MLXIP: variants seen among roughly 807,000 people sequenced by gnomAD.
MLXIP encodes the protein MLX-interacting protein.
Under a neutral mutation model 87.2 loss-of-function variants are expected in MLXIP, and 30 were observed. That is an observed-to-expected ratio of 0.34 (90% CI 0.26 to 0.47). The LOEUF (loss-of-function observed/expected upper bound fraction) is 0.47. MLXIP is among the 20% of genes least tolerant of loss of function. MLXIP has a pLI of 1.00. For synonymous variants in MLXIP, 530 were observed against 514.0 expected (o/e 1.03, Z -0.42); for missense variants, 1,002 against 1,240.1 (o/e 0.81, Z 2.88).
In MLXIP at chr12:122,141,904, C is replaced by A. The variant is rs1953212917; in HGVS notation, c.*92C>A. The A allele has an allele frequency of 2.6e-6, 4 of 1,547,088 alleles. No individual in the cohort carries two copies. The African/African-American group carries it at 4.1e-5, about 16-fold the overall frequency. ...GCGCCCCCCAGCCCTTCCTGACGCT[C>A]AGCCTCGGGGCCTCTCTCCAACTCT... On this transcript the variant is annotated 3_prime_UTR_variant, in exon 17 of 17. Transcript: ENST00000319080.
At chr12:122,118,595 C>T (rs1164690877) in intron 1 of MLXIP, among the ~76,000 whole-genome samples, 2 of 152,206 alleles carry the variant, frequency 1.3e-5, no homozygotes, top group South Asian at 2.1e-4. Context: ...CGCCTATAAT[C>T]CCAGCACTTT....
intron 1 of MLXIP, among the ~76,000 whole-genome samples, chr12:122,125,593 G>T (rs2135966375): frequency 6.6e-6 from 1 of 152,370 alleles, no homozygotes; most frequent in African/African-American, 2.4e-5. Flanking sequence ...GTGGCTGTCT[G>T]ATTCCGTAGC....
At chr12:122,085,485 C>A (rs538163724) in intron 1 of MLXIP, among the ~76,000 whole-genome samples, 1 of 151,748 alleles carries the variant, frequency 6.6e-6, no homozygotes, top group African/African-American at 2.4e-5. Context: ...CTCACTGCAA[C>A]CTCCGCCTCC....
At chr12:122,119,167 CAAAA>C (rs367828097) in intron 1 of MLXIP, among the ~76,000 whole-genome samples, 4 of 148,380 alleles carry the variant, frequency 2.7e-5, no homozygotes, top group African/African-American at 1.0e-4. Flanking sequence ...GACTCTGTCT[CAAAA>C]AAACAAACAA....
chr12:122,084,476 C>T (rs964727608), intron 1 of MLXIP, among the ~76,000 whole-genome samples: 16 of 151,950 alleles, frequency 1.1e-4, no homozygotes, highest in African/African-American at 3.6e-4. Context: ...GGTTATTTTC[C>T]GGGTGGAAGA....
In MLXIP at chr12:122,135,188, C is replaced by T. The variant is rs770534299; in HGVS notation, c.1733-36C>T. 3 of 1,608,120 alleles carry T rather than the reference C, an allele frequency of 1.9e-6. No individual in the cohort carries two copies. In the East Asian group the frequency reaches 6.7e-5, roughly 36 times the overall value. On this transcript the variant is annotated intron_variant, in intron 9 of 16. Transcript: ENST00000319080. This position sits in a 1 kb window ranked among gnomAD's most constrained non-coding sequence, Gnocchi z 5.3. Reference sequence around the variant, plus strand: ...GCAGGGTGGGCCAGGCCCTGTGGCCCAGGGCTGCACCTGAACATCCTCCTT... The same window carrying T: ...GCAGGGTGGGCCAGGCCCTGTGGCCTAGGGCTGCACCTGAACATCCTCCTT...
chr12:122,119,679 C>G (rs1952749207), intron 1 of MLXIP, among the ~76,000 whole-genome samples: 1 of 152,244 alleles, frequency 6.6e-6, no homozygotes, highest in East Asian at 1.9e-4. Context: ...GCGTGAGCCA[C>G]CGCGCCTGGC....
At position 122,100,605 on chromosome 12, in the gene MLXIP, C is replaced by T. The variant is rs144089366; in HGVS notation, c.413+21339C>T. Among the ~76,000 whole-genome samples the T allele has an allele frequency of 2.0e-4, 30 of 152,324 alleles. 1 individual carries two copies. Among genetic ancestry groups the T allele is most frequent in the African/African-American group, 7.2e-4 (30 of 41,584 alleles). ...TCTGTTCAACAGTCCCAGACTTTCT[C>T]ATGAGTTAGGTTTTCAACTTGAATG... On this transcript the variant is annotated intron_variant, in intron 1 of 16. Coordinates refer to ENST00000319080, the MANE Select transcript of MLXIP (RefSeq NM_014938.6).
In MLXIP at chr12:122,137,413, C is replaced by T. The variant is rs1953112287; in HGVS notation, c.2033-56C>T. ...ACCCTGCAGAGACCCCAGGCTGCCT[C>T]CTGGTGGCGTTGAGGGGCCAGGCCT... On this transcript the variant is annotated intron_variant, in intron 11 of 16. Coordinates refer to ENST00000319080, the MANE Select transcript of MLXIP (RefSeq NM_014938.6). This position sits in a 1 kb window ranked among gnomAD's most constrained non-coding sequence, Gnocchi z 4.1. The T allele has an allele frequency of 1.9e-6, 3 of 1,576,298 alleles. No individual in the cohort carries two copies. The highest frequency in any genetic ancestry group is 2.6e-6 in the Non-Finnish European group (3 of 1,161,618).
chr12:122,122,390 GTC>G, intron 1 of MLXIP, among the ~76,000 whole-genome samples: 1 of 151,978 alleles, frequency 6.6e-6, no homozygotes, highest in Non-Finnish European at 1.5e-5. Flanking sequence ...TTTAGACAGG[GTC>G]TCTCTCTGTC....
intron 7 of MLXIP, among the ~76,000 whole-genome samples, chr12:122,131,835 C>A (rs1484353441): frequency 2.0e-5 from 3 of 150,722 alleles, no homozygotes; most frequent in Non-Finnish European, 4.4e-5. Context: ...TGGACTTAAG[C>A]GATCCTTCCG....
In MLXIP at chr12:122,137,287, A is replaced by AT; in HGVS notation, c.2033-179dup. ...AAGGGTGTTTTTGTTGTTGTTATTA[A>AT]TTTAAGATTTTCAGGGAGTGAATAA... On this transcript the variant is annotated intron_variant, in intron 11 of 16. Transcript: ENST00000319080. This position sits in a 1 kb window ranked among gnomAD's most constrained non-coding sequence, Gnocchi z 4.1. The AT allele has an allele frequency of 3.4e-6, 2 of 581,498 alleles. No homozygotes were observed. Among genetic ancestry groups the AT allele is most frequent in the South Asian group, 6.4e-5 (2 of 31,292 alleles). The allele number at this position is 581,498 out of a possible 1,614,324, so 36.0% of individuals were successfully genotyped here.
At chr12:122,141,216 CCAGGAGGTCCTCAGT>C in intron 16 of MLXIP, 133 bp downstream of exon 16, 1 of 1,313,256 alleles carries the variant, frequency 7.6e-7, no homozygotes, top group South Asian at 1.5e-5. Flanking sequence ...ACAGTGCTGT[CCAGGAGGTCCTCAGT>C]CAGGAGCGCC....
At chr12:122,084,173 TG>T (rs1308274741) in intron 1 of MLXIP, among the ~76,000 whole-genome samples, 4 of 151,642 alleles carry the variant, frequency 2.6e-5, no homozygotes, top group Non-Finnish European at 5.9e-5. Flanking sequence ...TGTGTGTGTG[TG>T]TGTGTGTGTG....
At chr12:122,101,642 G>C (rs1382729906) in intron 1 of MLXIP, among the ~76,000 whole-genome samples, 1 of 145,002 alleles carries the variant, frequency 6.9e-6, no homozygotes, top group Non-Finnish European at 1.5e-5. Context: ...GTGCAGTGGC[G>C]GGATCTCGGC....
intron 1 of MLXIP, among the ~76,000 whole-genome samples, chr12:122,083,536 T>A (rs1184900174): frequency 6.6e-6 from 1 of 152,044 alleles, no homozygotes; most frequent in African/African-American, 2.4e-5. Flanking sequence ...TGCCTCAGCC[T>A]CCCAAGTAGC....
chr12:122,140,050 C>T (rs908310406), intron 15 of MLXIP, among the ~76,000 whole-genome samples: 1 of 152,208 alleles, frequency 6.6e-6, no homozygotes, highest in Non-Finnish European at 1.5e-5. Flanking sequence ...ACTGCCTGCC[C>T]TGGTCCTGAT....
intron 1 of MLXIP, among the ~76,000 whole-genome samples, chr12:122,101,584 C>CTTTTTTTTTTTTTT (rs371090324): frequency 8.4e-6 from 1 of 119,020 alleles, no homozygotes; most frequent in African/African-American, 3.2e-5. Context: ...CTTTTTTTTT[C>CTTTTTTTTTTTTTT]TTTTTTTTTT....
chr12:122,129,277 G>A, intron 4 of MLXIP, 51 bp downstream of exon 4: 2 of 1,492,644 alleles, frequency 1.3e-6, no homozygotes, highest in Non-Finnish European at 1.8e-6. Flanking sequence ...AGTGGGCAGA[G>A]TCCCTGGTTC....
Sources: gnomAD v4.1 joint callset for allele counts (sites outside exome capture counted in the v4.1 genomes callset) on GRCh38, gnomAD v4.1.1 for gene constraint, Gnocchi (gnomAD v3.1) non-coding constraint, MANE v1.5 for transcripts, NCBI Gene and HGNC (gene_info 2026-07-23, HGNC 2026-07-21) for gene names.